DLG4: variants seen among roughly 807,000 people sequenced by gnomAD.
DLG4 encodes the protein disks large homolog 4.
In DLG4, 7 loss-of-function variants were observed where a neutral mutation model predicts 93.8. The observed-to-expected ratio is 0.07, with a 90% CI of 0.04 to 0.14. The LOEUF (loss-of-function observed/expected upper bound fraction) is 0.14, where lower values mean the gene tolerates loss of function less well. Ranked by LOEUF, DLG4 falls within the 10% of genes least tolerant of loss-of-function variation. The probability of loss-of-function intolerance (pLI) is 1.00; values close to 1 mark genes in which losing one functional copy is unlikely to be tolerated. For synonymous variants in DLG4, 341 were observed against 387.6 expected, an observed-to-expected ratio of 0.88 and a Z score of 1.41; for missense variants, 545 against 992.9, an observed-to-expected ratio of 0.55 and a Z score of 6.06.
At position 7,208,385 on chromosome 17, in the gene DLG4, G is replaced by T; in HGVS notation, c.31-146C>A. ...AGCTCCTCCCCCTCCCTCTCCTCTAGCCCATTGGCTCCCCTCTCTCCACTC... is the reference window on the plus strand; with the variant it reads ...AGCTCCTCCCCCTCCCTCTCCTCTATCCCATTGGCTCCCCTCTCTCCACTC... On this transcript the variant is annotated intron_variant, in intron 1 of 19. Transcript: ENST00000399506. This position sits in a 1 kb window ranked among gnomAD's most constrained non-coding sequence, Gnocchi z 5.4. 3.1e-6 allele frequency: 2 copies of T among 636,560 alleles called. No homozygotes were observed. Among genetic ancestry groups the T allele is most frequent in the East Asian group, 6.4e-5 (2 of 31,232 alleles). 39.4% of individuals were successfully genotyped at this position (636,560 alleles called of 1,614,324 possible). A position where few individuals can be genotyped will look rare whatever the true frequency, so the allele number is the denominator to read the frequency against.
rs918062556 is a variant in DLG4 at position 7,189,804 on chromosome 17, T to C, written c.*904A>G. The stretch of plus-strand genomic sequence containing the variant: ...GCCCATTTTCCAGGCCACTAACCTC[T>C]CTGGCTTGGAGTGAAGAAGGATCTG... On this transcript the variant is annotated 3_prime_UTR_variant, in exon 20 of 20. Coordinates refer to ENST00000399506, the MANE Select transcript of DLG4 (RefSeq NM_001321075.3). 6 of 152,596 alleles carry C rather than the reference T, an allele frequency of 3.9e-5. No homozygotes were observed. The highest frequency in any genetic ancestry group is 2.0e-4 in the Admixed American group (3 of 15,276). 9.5% of individuals were successfully genotyped at this position (152,596 alleles called of 1,614,324 possible).
At chr17:7,219,892 G>A, upstream of DLG4, 3 of 1,546,668 alleles carry the variant, frequency 1.9e-6, no homozygotes, top group Non-Finnish European at 2.6e-6. Flanking sequence ...CACTGTGGAC[G>A]ATGAGTCAGG....
intron 8 of DLG4, among the ~76,000 whole-genome samples, chr17:7,197,786 A>G (rs2069876970): frequency 6.6e-6 from 1 of 152,104 alleles, no homozygotes; most frequent in Non-Finnish European, 1.5e-5. Context: ...TGACCAGCCT[A>G]TGAGGGAAAT....
Position 7,194,660 on chromosome 17 carries a change from A to C in DLG4, c.1302-165T>G, listed in dbSNP as rs969459745. 5.9e-5 allele frequency among the ~76,000 whole-genome samples: 9 copies of C among 152,214 alleles called. No homozygotes were observed. The highest frequency in any genetic ancestry group is 1.9e-4 in the East Asian group (1 of 5,192). ...GGGGACCAAACGCTGACTATAACTC[A>C]TAACAACTATTAGCCATCACTCAGT... is the stretch of plus-strand genomic sequence containing the variant. On this transcript the variant is annotated intron_variant, in intron 11 of 19. Coordinates refer to ENST00000399506, the MANE Select transcript of DLG4 (RefSeq NM_001321075.3). This position sits in a 1 kb window ranked among gnomAD's most constrained non-coding sequence, Gnocchi z 4.4.
chr17:7,212,850 T>C (rs2070761017), intron 1 of DLG4, among the ~76,000 whole-genome samples: 1 of 151,964 alleles, frequency 6.6e-6, no homozygotes, highest in East Asian at 1.9e-4. Context: ...CTGGCCAAGA[T>C]GGTGAAACCC....
intron 1 of DLG4, among the ~76,000 whole-genome samples, chr17:7,210,062 C>T (rs1169181755): frequency 1.3e-5 from 2 of 152,074 alleles, no homozygotes; most frequent in Non-Finnish European, 1.5e-5. Context: ...AGAGAGAGGG[C>T]GAGCAGAATT....
chr17:7,199,234 T>A lies in DLG4; in HGVS notation c.788-2182A>T, dbSNP rs563110393. On this transcript the variant is annotated intron_variant, in intron 8 of 19. Coordinates refer to ENST00000399506, the MANE Select transcript of DLG4 (RefSeq NM_001321075.3). Reference sequence around the variant, plus strand: ...ATTTTTTTGGGATGGAGTTTCACTCTTGTCGCCCAGGCTGGTGTGCAGTGG... The same window carrying A: ...ATTTTTTTGGGATGGAGTTTCACTCATGTCGCCCAGGCTGGTGTGCAGTGG... Among the ~76,000 whole-genome samples the A allele has an allele frequency of 3.9e-5, 6 of 152,022 alleles. No individual in the cohort carries two copies. In the East Asian group the frequency reaches 7.8e-4, roughly 20 times the overall value.
At position 7,203,470 on chromosome 17, in the gene DLG4, G is replaced by A. The variant is rs370864740; in HGVS notation, c.459C>T (p.Pro153=). Residue 153 remains proline, a synonymous_variant, in exon 6 of 20, where the codon CCC becomes CCT. Transcript: ENST00000399506. This position sits in a 1 kb window ranked among gnomAD's most constrained non-coding sequence, Gnocchi z 7.2. Reference sequence around the variant, plus strand: ...TGATCTCCATGACCTTCTCAGCCGGGGGCTTCCGGCGCATGACATAGAGGC... The same window carrying A: ...TGATCTCCATGACCTTCTCAGCCGGAGGCTTCCGGCGCATGACATAGAGGC... The part of the protein sequence containing the change: ...IVRLYVMRRK[P]PAEKVMEIKL... 2.9e-4 allele frequency: 464 copies of A among 1,612,606 alleles called. 6 individuals are homozygous for A. Among genetic ancestry groups the A allele is most frequent in the South Asian group, 2.2e-3 (203 of 91,046 alleles).
In DLG4 at chr17:7,190,573, G is replaced by T; in HGVS notation, c.*135C>A. ...GGAGTGTCCCCCCTCCAACAGGCTG[G>T]ATCCAGTTAGAAAGGAAATAAATAA... On this transcript the variant is annotated 3_prime_UTR_variant, in exon 20 of 20. Transcript: ENST00000399506. 1.4e-6 allele frequency: 1 copy of T among 690,718 alleles called. No homozygotes were observed. The highest frequency in any genetic ancestry group is 2.6e-6 in the Non-Finnish European group (1 of 387,122). The allele number at this position is 690,718 out of a possible 1,614,324, so 42.8% of individuals were successfully genotyped here. A position where few individuals can be genotyped will look rare whatever the true frequency, so the allele number is the denominator to read the frequency against.
Position 7,191,124 on chromosome 17 carries a change from TGCTGGGATTACAG to T in DLG4, c.2068+130_2068+142del. ...AGCTGGGATTACAGGTGCCCGCCAG[TGCTGGGATTACAG>T]GCGTGAGCCACCATGCCGCGCCCAC... On this transcript the variant is annotated intron_variant, in intron 19 of 19. Coordinates refer to ENST00000399506, the MANE Select transcript of DLG4 (RefSeq NM_001321075.3). The surrounding 1 kb of genome is among the most constrained non-coding windows in gnomAD (Gnocchi z 6.6). The T allele has an allele frequency of 1.4e-6, 1 of 735,118 alleles. No individual in the cohort carries two copies. Among genetic ancestry groups the T allele is most frequent in the Non-Finnish European group, 2.3e-6 (1 of 435,880 alleles). The allele number at this position is 735,118 out of a possible 1,614,324, so 45.5% of individuals were successfully genotyped here.
chr17:7,196,360 A>G lies in DLG4; in HGVS notation c.1187-26T>C. 1 of 1,612,140 alleles carries G rather than the reference A, an allele frequency of 6.2e-7. No individual in the cohort carries two copies. Among genetic ancestry groups the G allele is most frequent in the Non-Finnish European group, 8.5e-7 (1 of 1,178,274 alleles). ...CTGAGGAAGGACAGGGAGGTTTCTGAGCTCTGTCCCCATCCTACTGTCACC... is the reference window on the plus strand; with the variant it reads ...CTGAGGAAGGACAGGGAGGTTTCTGGGCTCTGTCCCCATCCTACTGTCACC... On this transcript the variant is annotated intron_variant, in intron 10 of 19. Coordinates refer to ENST00000399506, the MANE Select transcript of DLG4 (RefSeq NM_001321075.3). This position sits in a 1 kb window ranked among gnomAD's most constrained non-coding sequence, Gnocchi z 8.3.
intron 1 of DLG4, among the ~76,000 whole-genome samples, chr17:7,216,333 C>G (rs539117916): frequency 1.6e-4 from 25 of 152,230 alleles, no homozygotes; most frequent in African/African-American, 5.1e-4. Flanking sequence ...GCACCACCCA[C>G]CCGGTCCCCC....
chr17:7,218,099 G>C (rs771980584), upstream of DLG4: 2 of 748,644 alleles, frequency 2.7e-6, no homozygotes, highest in African/African-American at 3.5e-5. Flanking sequence ...GTGCATTCTC[G>C]GTGCCCCAAG....
chr17:7,209,357 C>T (rs1291980813), intron 1 of DLG4, among the ~76,000 whole-genome samples: 1 of 152,184 alleles, frequency 6.6e-6, no homozygotes, highest in Non-Finnish European at 1.5e-5. Flanking sequence ...CTGCCCTCGC[C>T]TGCTCCTCTC....
Position 7,193,110 on chromosome 17 carries a change from T to C in DLG4, c.1701A>G (p.Thr567=), listed in dbSNP as rs776779697. 18 of 1,613,554 alleles carry C rather than the reference T, an allele frequency of 1.1e-5. No homozygotes were observed. The highest frequency in any genetic ancestry group is 1.5e-5 in the Non-Finnish European group (18 of 1,179,722). ...CTATCTCATACTCCCGCTTGGGCCG[T>C]GTCGTATCTGCCAGGAAGTCACCCC... The part of the protein sequence containing the change: ...DKFGSCVPHT[T]RPKREYEIDG... The change falls in exon 17 of 20, where the codon ACA becomes ACG. Residue 567 remains threonine (T), a synonymous_variant. Coordinates refer to ENST00000399506, the MANE Select transcript of DLG4 (RefSeq NM_001321075.3). The surrounding 1 kb of genome is among the most constrained non-coding windows in gnomAD (Gnocchi z 6.7).
upstream of DLG4, chr17:7,219,907 G>A: frequency 6.4e-7 from 1 of 1,559,564 alleles, no homozygotes; most frequent in Non-Finnish European, 8.6e-7. Context: ...GTCAGGGTTA[G>A]GGGCGCCAGG....
intron 2 of DLG4, among the ~76,000 whole-genome samples, chr17:7,205,358 C>T (rs1355991236): frequency 4.6e-5 from 7 of 152,182 alleles, no homozygotes; most frequent in Non-Finnish European, 8.8e-5. Flanking sequence ...TCCCCAATTG[C>T]CAGGGCAACC....
intron 8 of DLG4, among the ~76,000 whole-genome samples, chr17:7,202,279 G>A (rs1040690580): frequency 6.6e-6 from 1 of 151,980 alleles, no homozygotes; most frequent in Non-Finnish European, 1.5e-5. Flanking sequence ...GCCTAGGCTG[G>A]TCTCAAATCC....
intron 1 of DLG4, among the ~76,000 whole-genome samples, chr17:7,215,506 G>A (rs1016030813): frequency 1.3e-5 from 2 of 152,204 alleles, no homozygotes; most frequent in African/African-American, 4.8e-5. Flanking sequence ...CTAAGGCCAA[G>A]TGACAGGCCT....
Sources: gnomAD v4.1 joint callset for allele counts (sites outside exome capture counted in the v4.1 genomes callset) on GRCh38, gnomAD v4.1.1 for gene constraint, Gnocchi (gnomAD v3.1) non-coding constraint, MANE v1.5 for transcripts, NCBI Gene and HGNC (gene_info 2026-07-23, HGNC 2026-07-21) for gene names.